DLGAP1: variants seen among roughly 807,000 people sequenced by gnomAD.
DLGAP1 encodes the protein disks large-associated protein 1.
DLGAP1 carries 11 observed loss-of-function variants against 90.8 expected under a neutral mutation model. The ratio of observed to expected loss-of-function variants is 0.12; its 90% CI spans 0.08 to 0.20. The LOEUF is 0.20. Among genes scored for constraint, DLGAP1 ranks in the 10% least tolerant of loss-of-function variants. The probability of loss-of-function intolerance (pLI) is 1.00; values close to 1 mark genes in which losing one functional copy is unlikely to be tolerated. For missense variants in DLGAP1, 1,050 were observed against 1,333.8 expected (o/e 0.79, Z 3.31); for synonymous variants, 558 against 540.7 (o/e 1.03, Z -0.44).
chr18:3,958,920 C>T (rs2073137543), intron 3 of DLGAP1, among the ~76,000 whole-genome samples: 1 of 152,198 alleles, frequency 6.6e-6, no homozygotes, highest in South Asian at 2.1e-4. Context: ...TCAAGGAAGG[C>T]TTCTAGTTAT....
chr18:4,199,029 G>C (rs1381121279), intron 1 of DLGAP1, among the ~76,000 whole-genome samples: 1 of 152,212 alleles, frequency 6.6e-6, no homozygotes, highest in Non-Finnish European at 1.5e-5. Context: ...CTGGAACCTT[G>C]TGTGGTTTTA....
At chr18:4,131,542 G>A (rs2076317319) in intron 2 of DLGAP1, among the ~76,000 whole-genome samples, 1 of 152,126 alleles carries the variant, frequency 6.6e-6, no homozygotes, top group Non-Finnish European at 1.5e-5. Flanking sequence ...CTGTGTCTCA[G>A]TAAAGCTTTA....
chr18:3,772,352 CTTTCTTTCTTTCTTTCTTTCTTTCTT>C (rs2064673636), intron 5 of DLGAP1, among the ~76,000 whole-genome samples: 8 of 11,244 alleles, frequency 7.1e-4, no homozygotes, highest in African/African-American at 1.0e-3. Flanking sequence ...CTCTCTCTTT[CTTTCTTTCTTTCTTTCTTTCTTTCTT>C]TCTTTCTTTC....
chr18:3,782,550 C>T (rs755394711), intron 5 of DLGAP1, among the ~76,000 whole-genome samples: 26 of 152,182 alleles, frequency 1.7e-4, no homozygotes, highest in Non-Finnish European at 3.1e-4. Flanking sequence ...AGGGAGACGC[C>T]AAATCCCTTT....
At chr18:4,045,877 C>G (rs572705815) in intron 2 of DLGAP1, among the ~76,000 whole-genome samples, 2 of 150,484 alleles carry the variant, frequency 1.3e-5, no homozygotes, top group South Asian at 4.2e-4. Flanking sequence ...TAACCTCAAG[C>G]AATCCTCCTA....
rs112282558 is a variant in DLGAP1, at chr18:3,508,554, G to A, written c.2571+16C>T. On this transcript the variant is annotated intron_variant, in intron 11 of 12. Transcript: ENST00000315677. ...TGGCACTAGCAGGGAAATTGTAGAAGGAGAGTGTTACCTACCAGGTTTTCT... is the reference window on the plus strand; with the variant it reads ...TGGCACTAGCAGGGAAATTGTAGAAAGAGAGTGTTACCTACCAGGTTTTCT... 1.1e-3 allele frequency: 1,822 copies of A among 1,588,070 alleles called. 11 individuals carry two copies. The African/African-American group carries it at 0.015, about 13-fold the overall frequency.
chr18:4,424,675 T>A (rs1282526429), intron 1 of DLGAP1, among the ~76,000 whole-genome samples: 2 of 152,188 alleles, frequency 1.3e-5, no homozygotes, highest in African/African-American at 4.8e-5. Context: ...ATTCATGGCA[T>A]ATCTGAAAGA....
At chr18:4,130,914 G>C (rs1363139534) in intron 2 of DLGAP1, among the ~76,000 whole-genome samples, 6 of 152,062 alleles carry the variant, frequency 3.9e-5, no homozygotes, top group African/African-American at 1.4e-4. Context: ...TGATTGGCGA[G>C]GATGTGGCCA....
At chr18:4,033,423 T>C (rs1319766837) in intron 2 of DLGAP1, among the ~76,000 whole-genome samples, 1 of 152,162 alleles carries the variant, frequency 6.6e-6, no homozygotes, top group East Asian at 1.9e-4. Flanking sequence ...TTTCTCCCAT[T>C]GATAGACATT....
chr18:4,331,610 G>A (rs1055156376), intron 1 of DLGAP1, among the ~76,000 whole-genome samples: 2 of 151,634 alleles, frequency 1.3e-5, no homozygotes, highest in Admixed American at 6.6e-5. Flanking sequence ...ATTGCACTTC[G>A]AACAAAATGT....
At chr18:3,567,826 G>T (rs2054524911) in intron 8 of DLGAP1, among the ~76,000 whole-genome samples, 1 of 152,036 alleles carries the variant, frequency 6.6e-6, no homozygotes, top group Admixed American at 6.6e-5. Context: ...CCACAGATTT[G>T]CAAGTCTGTA....
At chr18:4,443,568 A>G (rs2083589186) in intron 1 of DLGAP1, among the ~76,000 whole-genome samples, 1 of 152,264 alleles carries the variant, frequency 6.6e-6, no homozygotes, top group African/African-American at 2.4e-5. Flanking sequence ...ATTAAGTTAG[A>G]AGCCAGTCAC....
chr18:4,055,314 AT>A (rs1216637575), intron 2 of DLGAP1, among the ~76,000 whole-genome samples: 8 of 152,182 alleles, frequency 5.3e-5, no homozygotes, highest in African/African-American at 1.9e-4. Context: ...TCAGGAGTAC[AT>A]GTGCTGGTTT....
chr18:3,968,320 G>A (rs1309155251), intron 3 of DLGAP1, among the ~76,000 whole-genome samples: 3 of 151,896 alleles, frequency 2.0e-5, no homozygotes, highest in East Asian at 1.9e-4. Flanking sequence ...TCATTTTTAC[G>A]CAGCTATTGA....
chr18:3,535,531 C>A (rs1168817264), intron 9 of DLGAP1, among the ~76,000 whole-genome samples: 2 of 149,290 alleles, frequency 1.3e-5, no homozygotes, highest in African/African-American at 4.9e-5. Flanking sequence ...CACGGTGAAA[C>A]CCCGTATCTA....
intron 3 of DLGAP1, among the ~76,000 whole-genome samples, chr18:3,972,990 C>T (rs1426781968): frequency 1.3e-5 from 2 of 152,200 alleles, no homozygotes; most frequent in African/African-American, 2.4e-5. Context: ...GGATAACAAG[C>T]GTGAGCTCAA....
intron 1 of DLGAP1, among the ~76,000 whole-genome samples, chr18:4,209,053 C>T (rs551635686): frequency 6.6e-6 from 1 of 152,188 alleles, no homozygotes; most frequent in South Asian, 2.1e-4. Flanking sequence ...AAAGCTGCTC[C>T]CTTCATTAAA....
chr18:3,568,258 T>C (rs932793336), intron 8 of DLGAP1, among the ~76,000 whole-genome samples: 1 of 152,206 alleles, frequency 6.6e-6, no homozygotes, highest in African/African-American at 2.4e-5. Flanking sequence ...TTATATATTG[T>C]AATTATAATT....
chr18:3,667,266 G>T (rs1316781254), intron 7 of DLGAP1, among the ~76,000 whole-genome samples: 1 of 151,858 alleles, frequency 6.6e-6, no homozygotes, highest in African/African-American at 2.4e-5. Flanking sequence ...TTTAGTAGAG[G>T]CGGGGTTTTA....
Sources: gnomAD v4.1 joint callset for allele counts (sites outside exome capture counted in the v4.1 genomes callset) on GRCh38, gnomAD v4.1.1 for gene constraint, MANE v1.5 for transcripts, NCBI Gene and HGNC (gene_info 2026-07-23, HGNC 2026-07-21) for gene names.